The following LAMC3 variants were observed in gnomAD, a reference collection of about 807,000 sequenced individuals.
LAMC3 encodes the protein laminin subunit gamma-3.
In LAMC3, 128 loss-of-function variants were observed where a neutral mutation model predicts 173.8. The observed-to-expected ratio is 0.74, with a 90% confidence interval of 0.64 to 0.85. LAMC3 has a LOEUF of 0.85. Among genes scored for constraint, LAMC3 ranks in the 40% least tolerant of loss-of-function variants. LAMC3 has a pLI of 0.00. For missense variants in LAMC3, 2,022 were observed against 2,156.0 expected, an observed-to-expected ratio of 0.94 and a Z score of 1.23; for synonymous variants, 897 against 909.1, an observed-to-expected ratio of 0.99 and a Z score of 0.24.
intron 27 of LAMC3, among the ~76,000 whole-genome samples, chr9:131,088,731 C>G (rs1830370670): frequency 6.6e-6 from 1 of 152,130 alleles, no homozygotes; most frequent in Admixed American, 6.5e-5. Context: ...ACACTAACCC[C>G]CCATTTCCCT....
chr9:131,085,914 C>T, intron 25 of LAMC3, 191 bp downstream of exon 25: 1 of 671,406 alleles, frequency 1.5e-6, no homozygotes, highest in African/African-American at 1.8e-5. Flanking sequence ...CATTGCTGTC[C>T]CCATTGTACA....
intron 6 of LAMC3, among the ~76,000 whole-genome samples, chr9:131,039,688 C>T (rs891510871): frequency 2.0e-5 from 3 of 151,742 alleles, no homozygotes; most frequent in Non-Finnish European, 4.4e-5. Context: ...GAGAGCAGGG[C>T]AGATTCCAGA....
chr9:131,036,142 TTCC>T, intron 3 of LAMC3, 21 bp from the exon 4 acceptor site: 1 of 1,612,774 alleles, frequency 6.2e-7, no homozygotes, highest in South Asian at 1.1e-5. Context: ...GCGGGTCCCC[TTCC>T]TCCTCTGTGT....
chr9:131,066,310 G>A (rs1829930683), intron 13 of LAMC3, among the ~76,000 whole-genome samples: 1 of 151,806 alleles, frequency 6.6e-6, no homozygotes, highest in Non-Finnish European at 1.5e-5. Context: ...GGCCAACATG[G>A]TGAAACCCCG....
intron 24 of LAMC3, among the ~76,000 whole-genome samples, chr9:131,082,770 C>T (rs1830262875): frequency 6.6e-6 from 1 of 152,226 alleles, no homozygotes; most frequent in African/African-American, 2.4e-5. Context: ...GTTTGTGGCT[C>T]CTTATCCAAC....
intron 7 of LAMC3, 83 bp downstream of exon 7, chr9:131,041,818 G>T: frequency 1.7e-6 from 2 of 1,205,494 alleles, no homozygotes; most frequent in Non-Finnish European, 2.4e-6. Context: ...GGAGTGCGGG[G>T]AGGAGCAAGG....
rs140815210 is a variant in LAMC3 at position 131,052,516 on chromosome 9, C to T, written c.1656C>T (p.Phe552=). Residue 552 remains phenylalanine (F), a synonymous_variant, in exon 10 of 28, where the codon TTC becomes TTT. Coordinates refer to ENST00000361069, the MANE Select transcript of LAMC3 (RefSeq NM_006059.4). ...AGAAGTTCCTGGGAGACCAGCGGTT[C>T]AGCTATGGGCAGCCCCTCATACTGA... ...APEKFLGDQR[F]SYGQPLILTF... 1.9e-6 allele frequency: 3 copies of T among 1,614,158 alleles called. No individual in the cohort carries two copies. The highest frequency in any genetic ancestry group is 2.5e-6 in the Non-Finnish European group (3 of 1,179,984).
chr9:131,072,140 C>G (rs114480280), intron 18 of LAMC3, among the ~76,000 whole-genome samples: 1 of 140,848 alleles, frequency 7.1e-6, no homozygotes. Context: ...TGAATGGAAG[C>G]AGGGAGGGAG....
At chr9:131,077,422 A>G in intron 22 of LAMC3, 88 bp downstream of exon 22, 1 of 1,547,964 alleles carries the variant, frequency 6.5e-7, no homozygotes, top group Non-Finnish European at 8.8e-7. Flanking sequence ...CACGCCTGTA[A>G]TCGCAGCACT....
chr9:131,078,260 G>A (rs1221466023), intron 22 of LAMC3, among the ~76,000 whole-genome samples: 3 of 152,132 alleles, frequency 2.0e-5, no homozygotes, highest in Non-Finnish European at 4.4e-5. Flanking sequence ...GGGAGGCTGA[G>A]GCGGGCGGAT....
At chr9:131,091,148 T>C (rs931020235) in intron 27 of LAMC3, among the ~76,000 whole-genome samples, 1 of 152,218 alleles carries the variant, frequency 6.6e-6, no homozygotes, top group Non-Finnish European at 1.5e-5. Flanking sequence ...TCTGTAAACG[T>C]GTGCTGTCAG....
intron 7 of LAMC3, among the ~76,000 whole-genome samples, chr9:131,043,670 C>A (rs1588148203): frequency 6.6e-6 from 1 of 152,316 alleles, no homozygotes; most frequent in African/African-American, 2.4e-5. Flanking sequence ...CATGAAGAGA[C>A]AAACCTTCCT....
At chr9:131,043,170 A>C (rs941469918) in intron 7 of LAMC3, among the ~76,000 whole-genome samples, 4 of 152,192 alleles carry the variant, frequency 2.6e-5, no homozygotes, top group Non-Finnish European at 5.9e-5. Context: ...CATGGTACAA[A>C]TGGGGCATCT....
At chr9:131,046,333 GC>G (rs1834158320) in intron 8 of LAMC3, among the ~76,000 whole-genome samples, 3 of 151,092 alleles carry the variant, frequency 2.0e-5, no homozygotes, top group African/African-American at 7.3e-5. Flanking sequence ...CTCCTGAGTA[GC>G]TAGGACCACA....
rs1321540537 is a variant in LAMC3, at chr9:131,052,528, G to A, written c.1668G>A (p.Gln556=). ...FLGDQRFSYG[Q]PLILTFRVPP... is the part of the protein sequence containing the mutation. Reference sequence around the variant, plus strand: ...GAGACCAGCGGTTCAGCTATGGGCAGCCCCTCATACTGACCTTCCGGGTGC... The same window carrying A: ...GAGACCAGCGGTTCAGCTATGGGCAACCCCTCATACTGACCTTCCGGGTGC... The change falls in exon 10 of 28, where the codon CAG becomes CAA. Residue 556 remains glutamine, a synonymous_variant. Coordinates refer to ENST00000361069, the MANE Select transcript of LAMC3 (RefSeq NM_006059.4). 1 of 1,614,050 alleles carries A rather than the reference G, an allele frequency of 6.2e-7. No homozygotes were observed. The highest frequency in any genetic ancestry group is 1.3e-5 in the African/African-American group (1 of 74,928).
chr9:131,026,660 T>C lies in LAMC3; in HGVS notation c.678+71T>C. 8 of 1,470,578 alleles carry C rather than the reference T, an allele frequency of 5.4e-6. No individual in the cohort carries two copies. Among genetic ancestry groups the C allele is most frequent in the Non-Finnish European group, 7.2e-6 (8 of 1,113,238 alleles). The allele number at this position is 1,470,578 out of a possible 1,614,324, so 91.1% of individuals were successfully genotyped here. On this transcript the variant is annotated intron_variant, in intron 2 of 27. Transcript: ENST00000361069. This position sits in a 1 kb window ranked among gnomAD's most constrained non-coding sequence, Gnocchi z 4.8. ...GGGTCACGGCAGTAGGAGGGTCTGA[T>C]GTGCCAGGACACACAGGGTGGGGGA...
rs4740409 is a variant in LAMC3 at position 131,071,387 on chromosome 9, C to T, written c.3070-97C>T. On this transcript the variant is annotated intron_variant, in intron 17 of 27. Transcript: ENST00000361069. ...CCAGGGGAGGATTTGGAGAAGGGAACCCCCAGGGAGAGTGGCAGGGTAGAA... is the reference window on the plus strand; with the variant it reads ...CCAGGGGAGGATTTGGAGAAGGGAATCCCCAGGGAGAGTGGCAGGGTAGAA... 364,700 of 1,420,416 alleles carry T rather than the reference C, an allele frequency of 0.26. 49,810 individuals are homozygous for T. The highest frequency in any genetic ancestry group is 0.33 in the Middle Eastern group (1,719 of 5,152). The allele number at this position is 1,420,416 out of a possible 1,614,324, so 88.0% of individuals were successfully genotyped here.
intron 13 of LAMC3, among the ~76,000 whole-genome samples, chr9:131,063,133 C>A (rs982872993): frequency 6.6e-6 from 1 of 152,214 alleles, no homozygotes; most frequent in Non-Finnish European, 1.5e-5. Flanking sequence ...TTCACTGGGA[C>A]TGTTCTGAAA....
intron 1 of LAMC3, among the ~76,000 whole-genome samples, chr9:131,014,098 C>T (rs1833475956): frequency 6.6e-6 from 1 of 152,250 alleles, no homozygotes; most frequent in African/African-American, 2.4e-5. Flanking sequence ...CCTTGGCCAC[C>T]TCTTTCTCTC....
Sources: gnomAD v4.1 joint callset for allele counts (sites outside exome capture counted in the v4.1 genomes callset) on GRCh38, gnomAD v4.1.1 for gene constraint, Gnocchi (gnomAD v3.1) non-coding constraint, MANE v1.5 for transcripts, NCBI Gene and HGNC (gene_info 2026-07-23, HGNC 2026-07-21) for gene names.